RC3H1: variants seen among roughly 807,000 people sequenced by gnomAD.
RC3H1 encodes the protein ring finger and CCCH-type domains 1, also known as roquin-1.
RC3H1 carries 50 observed loss-of-function variants against 138.2 expected under a neutral mutation model. The observed-to-expected ratio is 0.36, with a 90% CI of 0.29 to 0.46. The LOEUF is 0.46. RC3H1 is among the 20% of genes least tolerant of loss of function. The probability of loss-of-function intolerance (pLI) is 1.00; values close to 1 mark genes in which losing one functional copy is unlikely to be tolerated. For synonymous variants in RC3H1, 462 were observed against 489.1 expected, an observed-to-expected ratio of 0.94 and a Z score of 0.73; for missense variants, 1,031 against 1,388.1, an observed-to-expected ratio of 0.74 and a Z score of 4.09.
intron 13 of RC3H1, among the ~76,000 whole-genome samples, chr1:173,960,872 A>G (rs1049716650): frequency 3.4e-5 from 5 of 147,290 alleles, no homozygotes; most frequent in African/African-American, 1.3e-4. Flanking sequence ...TTACAGGAAC[A>G]AAAAAAAAGA....
At position 173,938,708 on chromosome 1, in the gene RC3H1, G is replaced by C; in HGVS notation, c.*13C>G. 6.3e-7 allele frequency: 1 copy of C among 1,582,866 alleles called. No individual in the cohort carries two copies. Among genetic ancestry groups the C allele is most frequent in the African/African-American group, 1.4e-5 (1 of 73,890 alleles). ...GATTAGGAGCAGAAGATAAAAGTAG[G>C]ACTCCTCATATTTTAAGGAGCAGAA... On this transcript the variant is annotated 3_prime_UTR_variant, in exon 20 of 20. Transcript: ENST00000367696.
intron 1 of RC3H1, among the ~76,000 whole-genome samples, chr1:174,016,490 T>G (rs1299189691): frequency 1.3e-5 from 2 of 149,172 alleles, no homozygotes; most frequent in Non-Finnish European, 3.0e-5. Flanking sequence ...AACTCCTGGC[T>G]TCATGAGATC....
At chr1:174,017,783 C>CAAAAAAAAAAAAAAAAAAAAAAAAAAAAA (rs61239660) in intron 1 of RC3H1, among the ~76,000 whole-genome samples, 7 of 72,034 alleles carry the variant, frequency 9.7e-5, no homozygotes, top group African/African-American at 4.0e-4. Context: ...TTTTCTTGCT[C>CAAAAAAAAAAAAAAAAAAAAAAAAAAAAA]AAAAAAAAAA....
chr1:173,955,022 C>T (rs980416675), intron 13 of RC3H1, among the ~76,000 whole-genome samples: 2 of 151,320 alleles, frequency 1.3e-5, no homozygotes, highest in African/African-American at 4.9e-5. Context: ...GTCAGGAGAT[C>T]GAGACCATCC....
chr1:173,999,321 G>A (rs1041844433), intron 1 of RC3H1, among the ~76,000 whole-genome samples: 9 of 151,040 alleles, frequency 6.0e-5, no homozygotes, highest in Admixed American at 1.3e-4. Flanking sequence ...CAGAGGTTGC[G>A]GTGAGCCGAG....
At chr1:173,961,377 TA>T (rs1249424860) in intron 12 of RC3H1, 133 bp from the exon 13 acceptor site, 1 of 748,826 alleles carries the variant, frequency 1.3e-6, no homozygotes, top group African/African-American at 1.8e-5. Context: ...CACCAACACT[TA>T]ACAGAACAAA....
At position 173,970,614 on chromosome 1, in the gene RC3H1, G is replaced by T; in HGVS notation, c.1225C>A (p.Pro409Thr). 1 of 1,610,334 alleles carries T rather than the reference G, an allele frequency of 6.2e-7. No individual in the cohort carries two copies. The highest frequency in any genetic ancestry group is 8.5e-7 in the Non-Finnish European group (1 of 1,178,028). ...SKKGADQQQP[P>T]QHSKYKTYMC... ...TATGTTTTGTATTTGCTATGCTGTG[G>T]AGGCTAAAACCAAAATCAAAACATT... The change falls in exon 9 of 20, where the codon CCA becomes ACA. Residue 409 changes from proline (P) to threonine (T), a missense_variant. Coordinates refer to ENST00000367696, the MANE Select transcript of RC3H1 (RefSeq NM_172071.4).
In RC3H1 at chr1:173,943,590, T is replaced by C; in HGVS notation, c.2987A>G (p.Gln996Arg). Residue 996 changes from glutamine to arginine, a missense_variant, in exon 18 of 20, where the codon CAG (glutamine) becomes CGG (arginine). Physicochemically the swap from Gln to Arg is conservative, Grantham distance 43 (BLOSUM62 1). Around this residue, in one of 7 missense-constraint regions of RC3H1, gnomAD observed 716 missense variants for 837.9 expected, o/e 0.85. Transcript: ENST00000367696. ...GCCTGCCAGGGTGTTTGCCTCCCTC[T>C]GCAACACCAGCCTGTTACTAACAGC... ...LEAVSNRLVLQREANTLAGQS... is the reference protein window; with the variant it reads ...LEAVSNRLVLRREANTLAGQS... 1.9e-6 allele frequency: 3 copies of C among 1,613,604 alleles called. No homozygotes were observed. The highest frequency in any genetic ancestry group is 2.5e-6 in the Non-Finnish European group (3 of 1,179,780).
chr1:173,962,688 G>T (rs1188540793), intron 11 of RC3H1, among the ~76,000 whole-genome samples: 1 of 152,150 alleles, frequency 6.6e-6, no homozygotes, highest in African/African-American at 2.4e-5. Context: ...AGCTAACTCT[G>T]GAGCACTGTT....
intron 2 of RC3H1, among the ~76,000 whole-genome samples, chr1:173,992,229 C>T (rs1661319673): frequency 6.6e-6 from 1 of 152,208 alleles, no homozygotes; most frequent in East Asian, 1.9e-4. Flanking sequence ...ACTGCAACCT[C>T]TGCCTCCTAG....
intron 1 of RC3H1, among the ~76,000 whole-genome samples, chr1:174,009,628 T>C (rs1215595108): frequency 1.3e-5 from 2 of 152,058 alleles, no homozygotes; most frequent in African/African-American, 4.8e-5. Flanking sequence ...CACTTGAGGT[T>C]AGGAGTTCAA....
intron 17 of RC3H1, 113 bp downstream of exon 17, chr1:173,946,363 A>T: frequency 1.1e-6 from 1 of 878,660 alleles, no homozygotes. Flanking sequence ...ACCTATACTA[A>T]CTCCTAAGAA....
chr1:173,987,245 G>A (rs1414442565), intron 2 of RC3H1, among the ~76,000 whole-genome samples: 1 of 152,160 alleles, frequency 6.6e-6, no homozygotes, highest in Non-Finnish European at 1.5e-5. Flanking sequence ...ACATCCTTGA[G>A]AGCAGAATAT....
chr1:173,972,649 TTTAAACTC>T (rs1246798856), intron 7 of RC3H1, 22 bp from the exon 8 acceptor site: 2 of 1,499,212 alleles, frequency 1.3e-6, no homozygotes, highest in African/African-American at 2.7e-5. Context: ...ATGATAATGT[TTTAAACTC>T]TAATGTTACT....
intron 13 of RC3H1, among the ~76,000 whole-genome samples, chr1:173,953,923 C>T (rs1464533668): frequency 6.6e-6 from 1 of 151,996 alleles, no homozygotes; most frequent in Non-Finnish European, 1.5e-5. Flanking sequence ...ACTGTAGTCC[C>T]AGCTACTCGA....
intron 1 of RC3H1, among the ~76,000 whole-genome samples, chr1:173,998,938 T>C (rs1159501790): frequency 1.3e-5 from 2 of 151,126 alleles, no homozygotes; most frequent in African/African-American, 4.9e-5. Flanking sequence ...ATAAGCAAAA[T>C]AAAAAATGAG....
At chr1:173,950,028 G>A (rs746205673) in intron 14 of RC3H1, among the ~76,000 whole-genome samples, 2 of 152,006 alleles carry the variant, frequency 1.3e-5, no homozygotes, top group African/African-American at 4.8e-5. Context: ...AATTAGCCGG[G>A]CATGGTGGTA....
chr1:173,942,446 A>AAAAAAAAAAAAAAAAAAAAAAAAC (rs1658924416), intron 18 of RC3H1, among the ~76,000 whole-genome samples: 1 of 149,490 alleles, frequency 6.7e-6, no homozygotes, highest in African/African-American at 2.5e-5. Flanking sequence ...AAAAAAAAAA[A>AAAAAAAAAAAAAAAAAAAAAAAAC]AAAAGAAAAG....
intron 1 of RC3H1, among the ~76,000 whole-genome samples, chr1:174,008,473 G>A (rs1661689659): frequency 6.6e-6 from 1 of 152,052 alleles, no homozygotes; most frequent in African/African-American, 2.4e-5. Context: ...GGGAGAAGGA[G>A]GAAGAGGAGG....
Sources: gnomAD v4.1 joint callset for allele counts (sites outside exome capture counted in the v4.1 genomes callset) on GRCh38, gnomAD v4.1.1 for gene constraint, gnomAD v4.1.1 regional missense constraint, MANE v1.5 for transcripts, NCBI Gene and HGNC (gene_info 2026-07-23, HGNC 2026-07-21) for gene names.